The following ZNF804B variants were observed in gnomAD, a reference collection of about 807,000 sequenced individuals.
ZNF804B encodes the protein zinc finger 804B.
A neutral mutation model predicts 101.4 loss-of-function variants in ZNF804B; 80 were observed. The ratio of observed to expected loss-of-function variants is 0.79; its 90% CI spans 0.66 to 0.95. The LOEUF (loss-of-function observed/expected upper bound fraction) is 0.95. Ranked by LOEUF, ZNF804B falls within the 40% of genes least tolerant of loss-of-function variation. ZNF804B has a pLI of 0.00. For synonymous variants in ZNF804B, 622 were observed against 558.8 expected, an observed-to-expected ratio of 1.11 and a Z score of -1.59; for missense variants, 1,673 against 1,561.9, an observed-to-expected ratio of 1.07 and a Z score of -1.20.
chr7:89,118,204 T>C (rs1035838769), intron 1 of ZNF804B, among the ~76,000 whole-genome samples: 6 of 152,172 alleles, frequency 3.9e-5, no homozygotes, highest in Non-Finnish European at 2.9e-5. Flanking sequence ...ACATAATTAT[T>C]CATATTCCCA....
At chr7:89,134,792 T>G (rs1790604767) in intron 1 of ZNF804B, among the ~76,000 whole-genome samples, 1 of 151,752 alleles carries the variant, frequency 6.6e-6, no homozygotes, top group Admixed American at 6.6e-5. Context: ...ATTTTATTGC[T>G]CTTAATTTTA....
intron 1 of ZNF804B, among the ~76,000 whole-genome samples, chr7:89,189,844 C>T (rs998781588): frequency 5.3e-5 from 8 of 151,962 alleles, no homozygotes; most frequent in Non-Finnish European, 1.2e-4. Context: ...CACTCTGTAG[C>T]CTATGTAATT....
chr7:88,882,815 C>T (rs547001424), intron 1 of ZNF804B, among the ~76,000 whole-genome samples: 3 of 152,050 alleles, frequency 2.0e-5, no homozygotes, highest in Admixed American at 6.6e-5. Flanking sequence ...GCATTACACA[C>T]GGACATAAAA....
At chr7:88,965,224 CT>C (rs1562845581) in intron 1 of ZNF804B, among the ~76,000 whole-genome samples, 1 of 151,324 alleles carries the variant, frequency 6.6e-6, no homozygotes, top group Non-Finnish European at 1.5e-5. Context: ...TACAAAATAA[CT>C]TTTTTCCTGC....
At chr7:89,154,703 C>T (rs148611412) in intron 1 of ZNF804B, among the ~76,000 whole-genome samples, 158 of 151,998 alleles carry the variant, frequency 1.0e-3, no homozygotes, top group African/African-American at 3.6e-3. Context: ...AGGATGGTTA[C>T]CAGAGGCTAG....
chr7:89,019,728 C>A (rs1370907575), intron 1 of ZNF804B, among the ~76,000 whole-genome samples: 1 of 151,792 alleles, frequency 6.6e-6, no homozygotes, highest in African/African-American at 2.4e-5. Context: ...ATACAATGTC[C>A]TTTTTGTTTC....
At chr7:89,039,782 A>G (rs724643) in intron 1 of ZNF804B, among the ~76,000 whole-genome samples, 122,756 of 151,740 alleles carry the variant, frequency 0.81, 50,051 homozygotes, top group African/African-American at 0.91. Context: ...TTTTATTGTA[A>G]CACACTGAAT....
intron 1 of ZNF804B, among the ~76,000 whole-genome samples, chr7:89,019,118 T>C (rs1396925079): frequency 6.6e-6 from 1 of 152,070 alleles, no homozygotes; most frequent in Admixed American, 6.6e-5. Context: ...CAGGCATTTA[T>C]TGCTATAAAC....
chr7:89,178,018 T>C (rs1345556585), intron 1 of ZNF804B, among the ~76,000 whole-genome samples: 2 of 152,190 alleles, frequency 1.3e-5, no homozygotes, highest in Non-Finnish European at 2.9e-5. Context: ...CCTTTATCAA[T>C]ATTTAATGAC....
chr7:89,259,305 T>C (rs1789678222), intron 2 of ZNF804B, among the ~76,000 whole-genome samples: 1 of 152,212 alleles, frequency 6.6e-6, no homozygotes, highest in African/African-American at 2.4e-5. Context: ...TGTTTTATTG[T>C]TGTGGTTGAT....
At chr7:89,183,875 C>T (rs1367580089) in intron 1 of ZNF804B, among the ~76,000 whole-genome samples, 5 of 152,056 alleles carry the variant, frequency 3.3e-5, no homozygotes, top group African/African-American at 7.2e-5. Context: ...ATTCAGAATC[C>T]AGCAGAAATG....
At chr7:89,297,696 A>G (rs12534798) in intron 2 of ZNF804B, among the ~76,000 whole-genome samples, 35,268 of 151,710 alleles carry the variant, frequency 0.23, 4,442 homozygotes, top group Admixed American at 0.28. Context: ...AGTTATTTAT[A>G]TTTTCTCTAT....
At chr7:89,043,677 T>C (rs1363465793) in intron 1 of ZNF804B, among the ~76,000 whole-genome samples, 4 of 152,220 alleles carry the variant, frequency 2.6e-5, no homozygotes, top group Non-Finnish European at 5.9e-5. Flanking sequence ...ACAAATGTAC[T>C]GTGGTTTATA....
intron 1 of ZNF804B, among the ~76,000 whole-genome samples, chr7:88,962,048 C>G (rs1246636269): frequency 1.3e-5 from 2 of 151,188 alleles, no homozygotes; most frequent in African/African-American, 4.8e-5. Flanking sequence ...AAAAGCTTTT[C>G]CTTGTAAAGC....
chr7:89,242,987 G>A (rs1789392607), intron 2 of ZNF804B, among the ~76,000 whole-genome samples: 2 of 151,778 alleles, frequency 1.3e-5, no homozygotes, highest in African/African-American at 4.8e-5. Flanking sequence ...TTACATAGGA[G>A]TAGATTCTTG....
intron 2 of ZNF804B, among the ~76,000 whole-genome samples, chr7:89,292,093 C>T (rs922569731): frequency 1.3e-5 from 2 of 151,922 alleles, no homozygotes; most frequent in African/African-American, 2.4e-5. Context: ...CCCAGACAAA[C>T]AAAAGCTGAG....
chr7:88,906,312 T>C lies in ZNF804B; in HGVS notation c.108+146228T>C, dbSNP rs563380755. On this transcript the variant is annotated intron_variant, in intron 1 of 3. Transcript: ENST00000333190. ...TCTTATCCTGGGATTGGTTTGTTCT[T>C]TTCTTCTAGTTCCTTTAGGTGCAAA... Among the ~76,000 whole-genome samples, 6 of 152,270 alleles carry C rather than the reference T, an allele frequency of 3.9e-5. No individual in the cohort carries two copies. The South Asian group carries it at 1.2e-3, about 32-fold the overall frequency.
intron 1 of ZNF804B, among the ~76,000 whole-genome samples, chr7:89,211,128 A>G (rs1024982248): frequency 1.4e-4 from 22 of 152,146 alleles, no homozygotes; most frequent in African/African-American, 5.1e-4. Flanking sequence ...TTTATTGGCC[A>G]CATGAATGTC....
At chr7:89,249,339 C>G (rs143830893) in intron 2 of ZNF804B, among the ~76,000 whole-genome samples, 2 of 152,166 alleles carry the variant, frequency 1.3e-5, no homozygotes, top group African/African-American at 4.8e-5. Context: ...ATTATTCTCA[C>G]CTGCACATAG....
Sources: gnomAD v4.1 joint callset for allele counts (sites outside exome capture counted in the v4.1 genomes callset) on GRCh38, gnomAD v4.1.1 for gene constraint, MANE v1.5 for transcripts, NCBI Gene and HGNC (gene_info 2026-07-23, HGNC 2026-07-21) for gene names.